Variants in INPP4B observed in about 807,000 individuals in gnomAD.
INPP4B encodes the protein inositol polyphosphate-4-phosphatase type II B.
Under a neutral mutation model 122.5 loss-of-function variants are expected in INPP4B, and 55 were observed. The observed-to-expected ratio is 0.45, with a 90% CI of 0.36 to 0.56. The LOEUF (loss-of-function observed/expected upper bound fraction) is 0.56. Ranked by LOEUF, INPP4B falls within the 20% of genes least tolerant of loss-of-function variation. INPP4B has a pLI of 0.00. For missense variants in INPP4B, 1,000 were observed against 1,097.7 expected, an observed-to-expected ratio of 0.91 and a Z score of 1.26; for synonymous variants, 403 against 388.7, an observed-to-expected ratio of 1.04 and a Z score of -0.43.
At chr4:142,385,624 AT>A (rs1289859120) in intron 7 of INPP4B, among the ~76,000 whole-genome samples, 1 of 152,164 alleles carries the variant, frequency 6.6e-6, no homozygotes, top group African/African-American at 2.4e-5. Flanking sequence ...TAATTTACAC[AT>A]TTGTAGACAT....
intron 3 of INPP4B, among the ~76,000 whole-genome samples, chr4:142,437,541 C>T (rs575215856): frequency 6.8e-4 from 103 of 152,222 alleles, no homozygotes; most frequent in Admixed American, 2.6e-3. Context: ...AGGAAGCCCA[C>T]CAGACTAACA....
intron 2 of INPP4B, among the ~76,000 whole-genome samples, chr4:142,508,552 G>A (rs1486498999): frequency 3.3e-5 from 5 of 152,150 alleles, no homozygotes; most frequent in Non-Finnish European, 1.5e-5. Flanking sequence ...GGGTTTACGG[G>A]CATGAACCAC....
intron 14 of INPP4B, among the ~76,000 whole-genome samples, chr4:142,195,989 T>C (rs1329312040): frequency 6.6e-6 from 1 of 152,176 alleles, no homozygotes; most frequent in Non-Finnish European, 1.5e-5. Context: ...TCTCTATTCA[T>C]CCACCTCACT....
At chr4:142,320,614 G>C (rs1769631969) in intron 7 of INPP4B, among the ~76,000 whole-genome samples, 1 of 152,184 alleles carries the variant, frequency 6.6e-6, no homozygotes, top group Non-Finnish European at 1.5e-5. Context: ...GCAGTGTACA[G>C]TGTGTCCAAT....
chr4:142,745,864 C>A (rs868615727), intron 1 of INPP4B, among the ~76,000 whole-genome samples: 30 of 151,808 alleles, frequency 2.0e-4, no homozygotes, highest in African/African-American at 6.8e-4. Flanking sequence ...AGAGTAAACT[C>A]ATCAGAAAGA....
intron 2 of INPP4B, among the ~76,000 whole-genome samples, chr4:142,662,194 C>T (rs769774393): frequency 9.9e-5 from 15 of 151,076 alleles, no homozygotes; most frequent in Non-Finnish European, 1.5e-4. Flanking sequence ...AAGACAGCGC[C>T]ATTGCACTCC....
At chr4:142,047,260 G>A (rs891449518) in intron 25 of INPP4B, among the ~76,000 whole-genome samples, 1 of 69,470 alleles carries the variant, frequency 1.4e-5, no homozygotes, top group Non-Finnish European at 3.2e-5. Flanking sequence ...GGAGAGCCAA[G>A]AGAATTCTAA....
intron 1 of INPP4B, among the ~76,000 whole-genome samples, chr4:142,840,500 A>G (rs1463028233): frequency 2.6e-5 from 4 of 152,140 alleles, no homozygotes; most frequent in South Asian, 2.1e-4. Context: ...TCACATAAGC[A>G]GATCTCACAT....
At chr4:142,073,362 A>G (rs1229123155) in intron 25 of INPP4B, among the ~76,000 whole-genome samples, 2 of 152,102 alleles carry the variant, frequency 1.3e-5, no homozygotes, top group Admixed American at 6.6e-5. Context: ...ATCAGGAGAA[A>G]AGCTTGCAAC....
intron 2 of INPP4B, among the ~76,000 whole-genome samples, chr4:142,636,506 C>A (rs1380329155): frequency 6.6e-6 from 1 of 151,866 alleles, no homozygotes; most frequent in Non-Finnish European, 1.5e-5. Flanking sequence ...GATAGGGTAG[C>A]CAAATTATTG....
intron 12 of INPP4B, among the ~76,000 whole-genome samples, chr4:142,211,390 T>C (rs923525082): frequency 6.6e-6 from 1 of 152,192 alleles, no homozygotes; most frequent in African/African-American, 2.4e-5. Context: ...TATTTATTCA[T>C]AATGACATTT....
At chr4:142,055,328 G>A (rs1353533191) in intron 25 of INPP4B, among the ~76,000 whole-genome samples, 1 of 152,022 alleles carries the variant, frequency 6.6e-6, no homozygotes, top group Non-Finnish European at 1.5e-5. Flanking sequence ...ACTCATTCTT[G>A]TCATTTATAG....
In INPP4B at chr4:142,160,540, A is replaced by G. The variant is rs149295175; in HGVS notation, c.1381T>C (p.Phe461Leu). 8.9e-5 allele frequency: 143 copies of G among 1,600,682 alleles called. 1 individual carries two copies. The highest frequency in any genetic ancestry group is 6.7e-4 in the Middle Eastern group (4 of 6,006). ...SEKTELFVHA[F>L]KDQLVRSALL... is the part of the protein sequence containing the mutation. ...GCACTCCTGACAAGTTGATCCTTGA[A>G]GGCATGTACAAAAAGCTCTGTCTGG... Residue 461 changes from phenylalanine (F) to leucine (L), a missense_variant, in exon 17 of 26, where the codon TTC (phenylalanine) becomes CTC (leucine). Coordinates refer to ENST00000262992, the MANE Select transcript of INPP4B (RefSeq NM_001101669.3).
chr4:142,310,312 T>C (rs1765018487), intron 8 of INPP4B, among the ~76,000 whole-genome samples: 2 of 152,166 alleles, frequency 1.3e-5, no homozygotes, highest in African/African-American at 4.8e-5. Context: ...AAAAGAAATA[T>C]GAATATATAA....
chr4:142,436,789 T>C (rs1810618791), intron 3 of INPP4B, among the ~76,000 whole-genome samples: 1 of 143,934 alleles, frequency 6.9e-6, no homozygotes, highest in Non-Finnish European at 1.5e-5. Context: ...GACAAACTCA[T>C]GAAGATGAGA....
intron 1 of INPP4B, among the ~76,000 whole-genome samples, chr4:142,767,007 T>C (rs570686255): frequency 3.3e-5 from 5 of 152,280 alleles, no homozygotes; most frequent in South Asian, 2.1e-4. Flanking sequence ...GAGGCCCAGA[T>C]TGGGGAATAA....
At chr4:142,525,116 C>G (rs1427540268) in intron 2 of INPP4B, among the ~76,000 whole-genome samples, 1 of 150,314 alleles carries the variant, frequency 6.7e-6, no homozygotes, top group Non-Finnish European at 1.5e-5. Flanking sequence ...AGAGCCAAAT[C>G]ATGAGTGAAC....
At chr4:142,042,520 A>ATGTGTGTGTGTG (rs1191824136) in intron 25 of INPP4B, among the ~76,000 whole-genome samples, 1,021 of 37,312 alleles carry the variant, frequency 0.027, 11 homozygotes, top group African/African-American at 0.055. Flanking sequence ...GTGTGTGTGT[A>ATGTGTGTGTGTG]TGTATGTATG....
At chr4:142,305,763 G>A in intron 8 of INPP4B, 6 of 1,349,082 alleles carry the variant, frequency 4.4e-6, no homozygotes, top group Non-Finnish European at 5.7e-6. Flanking sequence ...AGACCAACAG[G>A]CTAGAAAATA....
Sources: gnomAD v4.1 joint callset for allele counts (sites outside exome capture counted in the v4.1 genomes callset) on GRCh38, gnomAD v4.1.1 for gene constraint, MANE v1.5 for transcripts, NCBI Gene and HGNC (gene_info 2026-07-23, HGNC 2026-07-21) for gene names.